The following DIPK1A variants were observed in gnomAD, a reference collection of about 807,000 sequenced individuals.
DIPK1A encodes divergent protein kinase domain 1A.
DIPK1A carries 27 observed loss-of-function variants against 40.8 expected under a neutral mutation model. The observed-to-expected ratio is 0.66, with a 90% confidence interval of 0.49 to 0.91. The LOEUF (loss-of-function observed/expected upper bound fraction) is 0.91. DIPK1A is among the 40% of genes least tolerant of loss of function. The probability of loss-of-function intolerance (pLI) is 0.00; values close to 1 mark genes in which losing one functional copy is unlikely to be tolerated. For synonymous variants in DIPK1A, 166 were observed against 171.3 expected (o/e 0.97, Z 0.24); for missense variants, 412 against 505.7 (o/e 0.81, Z 1.78).
intron 4 of DIPK1A, chr1:92,836,271 G>A: frequency 6.2e-7 from 1 of 1,614,118 alleles, no homozygotes; most frequent in Non-Finnish European, 8.5e-7. Context: ...GGAAAGCATT[G>A]ATGGTCAGCC....
At chr1:92,941,567 G>A (rs1015682014) in intron 1 of DIPK1A, among the ~76,000 whole-genome samples, 1 of 152,030 alleles carries the variant, frequency 6.6e-6, no homozygotes, top group South Asian at 2.1e-4. Context: ...ATTTTCAATT[G>A]CCCTTTGTTT....
downstream of DIPK1A, chr1:92,842,056 T>C: frequency 1.2e-6 from 1 of 800,940 alleles, no homozygotes; most frequent in Non-Finnish European, 1.8e-6. Context: ...AAAAAAGTTG[T>C]TATTTCTTGG....
At chr1:92,855,648 G>A (rs186104907) in intron 2 of DIPK1A, among the ~76,000 whole-genome samples, 10 of 151,094 alleles carry the variant, frequency 6.6e-5, no homozygotes, top group South Asian at 2.1e-4. Context: ...AGGCTGCCAC[G>A]ATCATGCCAT....
rs1316239169 is a variant in DIPK1A at position 92,842,588 on chromosome 1, A to G, written c.*795T>C. On this transcript the variant is annotated 3_prime_UTR_variant, in exon 5 of 5. Coordinates refer to ENST00000370310, the MANE Select transcript of DIPK1A (RefSeq NM_001006605.5). ...GAAAGTTATTACTAAAAAGTCTGCT[A>G]TAATTTATTTTAGTCTTGCACTTAC... 1.0e-6 allele frequency: 1 copy of G among 967,360 alleles called. No homozygotes were observed. The highest frequency in any genetic ancestry group is 1.2e-6 in the Non-Finnish European group (1 of 823,438). 59.9% of individuals were successfully genotyped at this position (967,360 alleles called of 1,614,324 possible). A position where few individuals can be genotyped will look rare whatever the true frequency, so the allele number is the denominator to read the frequency against.
chr1:92,838,318 T>G (rs1687204772), downstream of DIPK1A, among the ~76,000 whole-genome samples: 5 of 152,228 alleles, frequency 3.3e-5, no homozygotes, highest in Admixed American at 3.3e-4. Context: ...ATAATGTAGG[T>G]GCATGTTAAT....
At chr1:92,898,624 A>T (rs1399248300) in intron 1 of DIPK1A, among the ~76,000 whole-genome samples, 1 of 151,992 alleles carries the variant, frequency 6.6e-6, no homozygotes, top group East Asian at 1.9e-4. Context: ...ATAGGTGTGA[A>T]CCACCATACC....
At chr1:92,954,416 C>T (rs1279148570) in intron 1 of DIPK1A, among the ~76,000 whole-genome samples, 2 of 116,840 alleles carry the variant, frequency 1.7e-5, no homozygotes, top group African/African-American at 6.5e-5. Context: ...CTCACTCTGT[C>T]ACCCAGACTG....
intron 2 of DIPK1A, among the ~76,000 whole-genome samples, chr1:92,874,918 C>A (rs924837508): frequency 1.8e-4 from 27 of 151,978 alleles, no homozygotes; most frequent in African/African-American, 6.3e-4. Flanking sequence ...GTACATTGGC[C>A]CCAGAGATAC....
intron 1 of DIPK1A, among the ~76,000 whole-genome samples, chr1:92,888,608 T>C (rs1406943165): frequency 6.6e-6 from 1 of 152,202 alleles, no homozygotes; most frequent in African/African-American, 2.4e-5. Context: ...GGAACCTCCA[T>C]GTTGAGTTCC....
rs1254446321 is a variant in DIPK1A at position 92,846,861 on chromosome 1, G to A, written c.474+322C>T. Among the ~76,000 whole-genome samples, 5 of 3,756 alleles carry A rather than the reference G, an allele frequency of 1.3e-3. No individual in the cohort carries two copies. The African/African-American group carries it at 0.016, about 12-fold the overall frequency. 2.5% of individuals were successfully genotyped at this position (3,756 alleles called of 152,430 possible). Reference sequence around the variant, plus strand: ...TATATATGTGTGTATATATATATGTGTGTATATATATATATATATATACAC... The same window carrying A: ...TATATATGTGTGTATATATATATGTATGTATATATATATATATATATACAC... On this transcript the variant is annotated intron_variant, in intron 4 of 4. Transcript: ENST00000370310.
intron 1 of DIPK1A, among the ~76,000 whole-genome samples, chr1:92,914,272 GA>G (rs932103150): frequency 6.6e-6 from 1 of 151,658 alleles, no homozygotes; most frequent in East Asian, 1.9e-4. Flanking sequence ...TAACAGTGGG[GA>G]AAAAAACCCA....
At chr1:92,926,857 T>C (rs1209573893) in intron 1 of DIPK1A, among the ~76,000 whole-genome samples, 8 of 152,248 alleles carry the variant, frequency 5.3e-5, no homozygotes, top group Admixed American at 5.2e-4. Flanking sequence ...TCCTCTCCCA[T>C]CCTTTTACTT....
intron 1 of DIPK1A, among the ~76,000 whole-genome samples, chr1:92,888,535 T>C (rs1648712779): frequency 1.3e-5 from 2 of 152,172 alleles, no homozygotes; most frequent in African/African-American, 4.8e-5. Context: ...TACCTTTCCT[T>C]GGAATATATG....
At chr1:92,887,417 C>T (rs879641518) in intron 1 of DIPK1A, among the ~76,000 whole-genome samples, 1 of 151,890 alleles carries the variant, frequency 6.6e-6, no homozygotes, top group Non-Finnish European at 1.5e-5. Flanking sequence ...CAGAGGGAGA[C>T]CCTGTCTCAA....
chr1:92,931,371 A>G, intron 1 of DIPK1A: 1 of 242,004 alleles, frequency 4.1e-6, no homozygotes, highest in Non-Finnish European at 8.7e-6. Context: ...GACTGAGTGC[A>G]GAAGAAAAGA....
intron 1 of DIPK1A, among the ~76,000 whole-genome samples, chr1:92,906,388 T>G (rs921715908): frequency 3.3e-5 from 5 of 152,160 alleles, no homozygotes; most frequent in Non-Finnish European, 7.3e-5. Context: ...ATAACATAGT[T>G]GGAATAACTT....
intron 4 of DIPK1A, chr1:92,845,534 C>G: frequency 9.5e-6 from 3 of 314,222 alleles, no homozygotes; most frequent in Non-Finnish European, 1.8e-5. Flanking sequence ...AAAAAACCGT[C>G]TCTGCTGAAA....
At chr1:92,869,301 C>T (rs1186719099) in intron 2 of DIPK1A, among the ~76,000 whole-genome samples, 1 of 151,918 alleles carries the variant, frequency 6.6e-6, no homozygotes, top group African/African-American at 2.4e-5. Flanking sequence ...GCTGGGACTA[C>T]AGGTGCATGC....
chr1:92,941,059 T>C (rs962929838), intron 1 of DIPK1A, among the ~76,000 whole-genome samples: 8 of 152,226 alleles, frequency 5.3e-5, no homozygotes, highest in Non-Finnish European at 1.5e-5. Context: ...TCCCAGTCTG[T>C]AGCTTGTCTT....
Sources: allele counts gnomAD v4.1 joint callset (sites outside exome capture counted in the v4.1 genomes callset), GRCh38; gene constraint gnomAD v4.1.1; transcripts MANE v1.5; gene names NCBI Gene and HGNC (gene_info 2026-07-23, HGNC 2026-07-21).